Variants in EVI5 observed in about 807,000 individuals in gnomAD.
EVI5 encodes the protein ecotropic viral integration site 5 protein homolog.
A neutral mutation model predicts 112.0 loss-of-function variants in EVI5; 73 were observed. The ratio of observed to expected loss-of-function variants is 0.65; its 90% CI spans 0.54 to 0.79. The LOEUF (loss-of-function observed/expected upper bound fraction) is 0.79. Ranked by LOEUF, EVI5 falls within the 30% of genes least tolerant of loss-of-function variation. EVI5 has a pLI of 0.00. For missense variants in EVI5, 900 were observed against 968.8 expected (o/e 0.93, Z 0.94); for synonymous variants, 305 against 319.9 (o/e 0.95, Z 0.50).
At chr1:92,612,347 T>C (rs1487802121) in intron 16 of EVI5, among the ~76,000 whole-genome samples, 1 of 152,116 alleles carries the variant, frequency 6.6e-6, no homozygotes, top group Non-Finnish European at 1.5e-5. Context: ...AAATACATCA[T>C]AATCAGGACT....
intron 18 of EVI5, among the ~76,000 whole-genome samples, chr1:92,570,864 T>G (rs548870718): frequency 1.3e-5 from 2 of 152,182 alleles, no homozygotes; most frequent in South Asian, 4.2e-4. Flanking sequence ...AAGATAGCAT[T>G]TGATGAAAAA....
intron 18 of EVI5, among the ~76,000 whole-genome samples, chr1:92,589,963 C>A (rs545182879): frequency 2.2e-4 from 33 of 152,302 alleles, no homozygotes; most frequent in Non-Finnish European, 1.2e-4. Flanking sequence ...TCACCAATAT[C>A]CGCTGTTCTG....
intron 9 of EVI5, among the ~76,000 whole-genome samples, chr1:92,682,390 C>T (rs1667737263): frequency 1.3e-5 from 2 of 152,168 alleles, no homozygotes; most frequent in Non-Finnish European, 2.9e-5. Flanking sequence ...ATCATTCTGT[C>T]AGTCTTCTGT....
At chr1:92,589,332 G>A (rs919429425) in intron 18 of EVI5, among the ~76,000 whole-genome samples, 1 of 152,148 alleles carries the variant, frequency 6.6e-6, no homozygotes, top group Non-Finnish European at 1.5e-5. Flanking sequence ...CCTCACCAGG[G>A]AAGCACAAGG....
intron 18 of EVI5, among the ~76,000 whole-genome samples, chr1:92,572,428 T>C (rs995373846): frequency 1.3e-5 from 2 of 152,156 alleles, no homozygotes; most frequent in African/African-American, 4.8e-5. Context: ...GAGGAAAAGT[T>C]ATTGATGAAA....
chr1:92,737,333 C>T (rs1274637682), intron 1 of EVI5, among the ~76,000 whole-genome samples: 1 of 152,122 alleles, frequency 6.6e-6, no homozygotes. Context: ...AGTACATTCT[C>T]TACCAATAGC....
chr1:92,738,122 C>T (rs907990004), intron 1 of EVI5, among the ~76,000 whole-genome samples: 4 of 152,152 alleles, frequency 2.6e-5, no homozygotes, highest in South Asian at 4.1e-4. Flanking sequence ...TAGATGAAAA[C>T]AGCTCATCAG....
At chr1:92,537,923 T>G (rs985184399) in intron 19 of EVI5, among the ~76,000 whole-genome samples, 7 of 152,108 alleles carry the variant, frequency 4.6e-5, no homozygotes, top group African/African-American at 1.7e-4. Flanking sequence ...AGATTTCATG[T>G]AAAACTGTAT....
intron 1 of EVI5, among the ~76,000 whole-genome samples, chr1:92,783,681 G>A (rs768872738): frequency 9.9e-5 from 15 of 150,992 alleles, no homozygotes; most frequent in Non-Finnish European, 1.8e-4. Context: ...GAGTGGTGGC[G>A]CGCGCCTGTA....
chr1:92,755,147 G>A (rs1295316004), intron 1 of EVI5, among the ~76,000 whole-genome samples: 3 of 142,520 alleles, frequency 2.1e-5, no homozygotes, highest in African/African-American at 7.8e-5. Context: ...AGTGGCTCAC[G>A]CCTGAAATCC....
intron 13 of EVI5, among the ~76,000 whole-genome samples, chr1:92,648,424 T>C (rs1661425726): frequency 6.6e-6 from 1 of 151,664 alleles, no homozygotes; most frequent in Non-Finnish European, 1.5e-5. Flanking sequence ...AAGTGAACAA[T>C]TCAGTGTCTT....
intron 2 of EVI5, among the ~76,000 whole-genome samples, chr1:92,708,369 G>A (rs909937274): frequency 6.6e-6 from 1 of 152,024 alleles, no homozygotes; most frequent in Non-Finnish European, 1.5e-5. Context: ...TACATAAGAA[G>A]ATGTTCAACA....
chr1:92,758,929 T>C (rs377068374), intron 1 of EVI5, among the ~76,000 whole-genome samples: 6 of 151,824 alleles, frequency 4.0e-5, no homozygotes, highest in South Asian at 2.1e-4. Context: ...TACTGTCTAA[T>C]GTAATTTTGT....
At chr1:92,603,506 C>T (rs1444111195) in intron 18 of EVI5, among the ~76,000 whole-genome samples, 4 of 152,108 alleles carry the variant, frequency 2.6e-5, no homozygotes, top group Admixed American at 6.6e-5. Context: ...GAATATTATT[C>T]AGCTTTAAAA....
chr1:92,654,792 G>C (rs752495331), intron 13 of EVI5, among the ~76,000 whole-genome samples: 1 of 151,996 alleles, frequency 6.6e-6, no homozygotes, highest in Non-Finnish European at 1.5e-5. Flanking sequence ...TGAAAATCAA[G>C]TCTGGAAATG....
intron 13 of EVI5, among the ~76,000 whole-genome samples, chr1:92,649,898 G>A (rs1661784216): frequency 2.0e-5 from 3 of 152,182 alleles, no homozygotes; most frequent in African/African-American, 4.8e-5. Flanking sequence ...TTCTTTAGCA[G>A]GAGAATATCC....
intron 13 of EVI5, among the ~76,000 whole-genome samples, chr1:92,657,906 G>C (rs1165701115): frequency 1.3e-5 from 2 of 152,106 alleles, no homozygotes; most frequent in African/African-American, 4.8e-5. Flanking sequence ...TTGCCACACA[G>C]TCTTAAACAA....
chr1:92,514,406 T>C (rs1659553678), intron 19 of EVI5, among the ~76,000 whole-genome samples: 1 of 152,196 alleles, frequency 6.6e-6, no homozygotes, highest in Non-Finnish European at 1.5e-5. Context: ...TCTGCCTGCC[T>C]CAGTCTCCCA....
chr1:92,677,189 GT>G lies in EVI5; in HGVS notation c.1126del (p.Thr376ArgfsTer20). The G allele has an allele frequency of 6.3e-7, 1 of 1,587,064 alleles. No individual in the cohort carries two copies. The highest frequency in any genetic ancestry group is 8.6e-7 in the Non-Finnish European group (1 of 1,162,772). ...TTCAACTTGCTCTTCCATTTCTTTC[GT>G]TTTTATTGTAGTGTATTCCTTTTCA... ...KLEKEYTTIK[T>X]KEMEEQVEIK... On this transcript the variant is annotated frameshift_variant, in exon 10 of 20. Transcript: ENST00000684568. LOFTEE classifies it high-confidence loss of function.
Sources: gnomAD v4.1 joint callset for allele counts (sites outside exome capture counted in the v4.1 genomes callset) on GRCh38, gnomAD v4.1.1 for gene constraint, MANE v1.5 for transcripts, NCBI Gene and HGNC (gene_info 2026-07-23, HGNC 2026-07-21) for gene names.